ADAP1: variants seen among roughly 807,000 people sequenced by gnomAD.
The protein encoded by ADAP1 is ArfGAP with dual PH domains 1.
ADAP1 carries 31 observed loss-of-function variants against 54.9 expected under a neutral mutation model. The observed-to-expected ratio is 0.56, with a 90% CI of 0.42 to 0.76. The LOEUF is 0.76. Ranked by LOEUF, ADAP1 falls within the 30% of genes least tolerant of loss-of-function variation. ADAP1 has a pLI of 0.00. For missense variants in ADAP1, 535 were observed against 512.4 expected (o/e 1.04, Z -0.42); for synonymous variants, 313 against 202.6 (o/e 1.55, Z -4.63).
At chr7:905,207 G>T in intron 4 of ADAP1, 35 bp from the exon 5 acceptor site, 2 of 1,549,590 alleles carry the variant, frequency 1.3e-6, no homozygotes, top group Non-Finnish European at 1.8e-6. Flanking sequence ...CGGTGACAGT[G>T]GATGGGGGGG....
At chr7:925,300 CGCTTGAGCCCAG>C (rs1562928762) in intron 3 of ADAP1, among the ~76,000 whole-genome samples, 1 of 148,156 alleles carries the variant, frequency 6.7e-6, no homozygotes, top group African/African-American at 2.5e-5. Context: ...GCAGGAGGAT[CGCTTGAGCCCAG>C]GAATTTGCAA....
At position 903,670 on chromosome 7, in the gene ADAP1, C is replaced by T. The variant is rs559807772; in HGVS notation, c.648+456G>A. Among the ~76,000 whole-genome samples the T allele has an allele frequency of 5.9e-5, 9 of 152,210 alleles. No individual in the cohort carries two copies. The South Asian group carries it at 1.2e-3, about 21-fold the overall frequency. On this transcript the variant is annotated intron_variant, in intron 6 of 10. Coordinates refer to ENST00000265846, the MANE Select transcript of ADAP1 (RefSeq NM_006869.4). ...TGCGGGGTACACCCACCCTCCCCGC[C>T]GCCACACCAAGGGCAGCCAAAGGAA... is the stretch of plus-strand genomic sequence containing the variant.
rs1379204323 is a variant in ADAP1 at position 909,308 on chromosome 7, GGCGCC to G, written c.389-4141_389-4137del. Among the ~76,000 whole-genome samples the G allele has an allele frequency of 4.1e-4, 15 of 36,478 alleles. 1 individual carries two copies. Among genetic ancestry groups the G allele is most frequent in the African/African-American group, 2.9e-3 (10 of 3,410 alleles). The allele number at this position is 36,478 out of a possible 152,430, so 23.9% of individuals were successfully genotyped here. ...GGGAACCCCGGTCCTCCCGACAGCA[GGCGCC>G]AGCGGGAACCCCGGTCCTCCCGACA... On this transcript the variant is annotated intron_variant, in intron 4 of 10. Coordinates refer to ENST00000265846, the MANE Select transcript of ADAP1 (RefSeq NM_006869.4).
chr7:918,967 G>A (rs1016497726), intron 4 of ADAP1, among the ~76,000 whole-genome samples: 7 of 152,024 alleles, frequency 4.6e-5, no homozygotes, highest in Admixed American at 3.3e-4. Flanking sequence ...CACAGCCAGA[G>A]GCTTGGCCAG....
At chr7:903,208 C>G (rs1322864405) in intron 6 of ADAP1, among the ~76,000 whole-genome samples, 1 of 152,312 alleles carries the variant, frequency 6.6e-6, no homozygotes, top group East Asian at 1.9e-4. Flanking sequence ...AGAGCGATCA[C>G]AGCGTGCTCT....
At chr7:937,798 G>A (rs999980048) in intron 1 of ADAP1, among the ~76,000 whole-genome samples, 9 of 151,856 alleles carry the variant, frequency 5.9e-5, no homozygotes, top group Admixed American at 2.0e-4. Flanking sequence ...GGTCATGCCC[G>A]GCCTCTGGGA....
chr7:900,692 CCA>C, intron 6 of ADAP1, 76 bp from the exon 7 acceptor site: 1 of 1,348,584 alleles, frequency 7.4e-7, no homozygotes, highest in Non-Finnish European at 1.0e-6. Flanking sequence ...GCTGGGGTCC[CCA>C]CAGAGGGGCC....
At chr7:911,166 C>T (rs1490126487) in intron 4 of ADAP1, among the ~76,000 whole-genome samples, 1 of 152,172 alleles carries the variant, frequency 6.6e-6, no homozygotes, top group Non-Finnish European at 1.5e-5. Flanking sequence ...CTCCAAACAG[C>T]CAGGACAGGG....
chr7:900,867 AGGGCCG>A, intron 6 of ADAP1: 5 of 176,164 alleles, frequency 2.8e-5, no homozygotes, highest in South Asian at 2.0e-4. Flanking sequence ...AGTCCTGAGA[AGGGCCG>A]AAGGGCCGAA....
rs1183980044 is a variant in ADAP1 at position 905,377 on chromosome 7, GA to G, written c.389-206del. The G allele has an allele frequency of 2.3e-4, 35 of 154,946 alleles. 1 individual carries two copies. The highest frequency in any genetic ancestry group is 2.7e-3 in the Middle Eastern group (2 of 728). The allele number at this position is 154,946 out of a possible 1,614,324, so 9.6% of individuals were successfully genotyped here. A position where few individuals can be genotyped will look rare whatever the true frequency, so the allele number is the denominator to read the frequency against. ...TGGGCAGGGAAAGGGAAAGGGAAAGGAGAAAGGAGAAAGGAGAAAGGAGAAA... is the reference window on the plus strand; with the variant it reads ...TGGGCAGGGAAAGGGAAAGGGAAAGGGAAAGGAGAAAGGAGAAAGGAGAAA... On this transcript the variant is annotated intron_variant, in intron 4 of 10. Transcript: ENST00000265846.
rs534472441 is a variant in ADAP1 at position 900,739 on chromosome 7, G to A, written c.649-123C>T. 3.6e-3 allele frequency: 2,906 copies of A among 806,632 alleles called. 18 individuals carry two copies. The highest frequency in any genetic ancestry group is 0.016 in the African/African-American group (874 of 54,608). 50.0% of individuals were successfully genotyped at this position (806,632 alleles called of 1,614,324 possible). A position where few individuals can be genotyped will look rare whatever the true frequency, so the allele number is the denominator to read the frequency against. On this transcript the variant is annotated intron_variant, in intron 6 of 10. Coordinates refer to ENST00000265846, the MANE Select transcript of ADAP1 (RefSeq NM_006869.4). ...AGAGCCCAGCCCCTTCCTCCTCCCCGGCACCTCAGCTCCCAGCAGTCCTGC... is the reference window on the plus strand; with the variant it reads ...AGAGCCCAGCCCCTTCCTCCTCCCCAGCACCTCAGCTCCCAGCAGTCCTGC...
At position 946,200 on chromosome 7, in the gene ADAP1, T is replaced by A. The variant is rs958195281; in HGVS notation, c.82+8196A>T. On this transcript the variant is annotated intron_variant, in intron 1 of 10. Coordinates refer to ENST00000265846, the MANE Select transcript of ADAP1 (RefSeq NM_006869.4). The surrounding 1 kb of genome is among the most constrained non-coding windows in gnomAD (Gnocchi z 4.3). Reference sequence around the variant, plus strand: ...CCCTCTCCAACTCCACCTCCGTGTTTTCCGCATATTGTCTCCCAGTTACCC... The same window carrying A: ...CCCTCTCCAACTCCACCTCCGTGTTATCCGCATATTGTCTCCCAGTTACCC... Among the ~76,000 whole-genome samples the A allele has an allele frequency of 2.6e-5, 4 of 151,964 alleles. No homozygotes were observed. The highest frequency in any genetic ancestry group is 9.7e-5 in the African/African-American group (4 of 41,362).
intron 2 of ADAP1, among the ~76,000 whole-genome samples, chr7:929,110 G>T (rs1054348631): frequency 6.6e-6 from 1 of 151,804 alleles, no homozygotes. Context: ...TGGGCAACAC[G>T]GTGAGACCCC....
intron 1 of ADAP1, among the ~76,000 whole-genome samples, chr7:937,030 G>C (rs1475391866): frequency 6.6e-6 from 1 of 152,148 alleles, no homozygotes; most frequent in Non-Finnish European, 1.5e-5. Context: ...GATGGTGCGT[G>C]AGAACCAGCA....
Position 939,199 on chromosome 7 carries a change from C to T in ADAP1, c.83-3694G>A, listed in dbSNP as rs55729837. ...TTGACTAGCTGTGATGGAGACTCTA[C>T]GGCCCTAAAATATTTACTGTCATTT... is the stretch of plus-strand genomic sequence containing the variant. On this transcript the variant is annotated intron_variant, in intron 1 of 10. Coordinates refer to ENST00000265846, the MANE Select transcript of ADAP1 (RefSeq NM_006869.4). Among the ~76,000 whole-genome samples the T allele has an allele frequency of 3.7e-3, 567 of 152,132 alleles. 3 individuals carry two copies. Among genetic ancestry groups the T allele is most frequent in the African/African-American group, 0.012 (515 of 41,522 alleles).
chr7:954,694 C>G, upstream of ADAP1: 1 of 981,570 alleles, frequency 1.0e-6, no homozygotes, highest in Non-Finnish European at 1.2e-6. Flanking sequence ...GGCGCGGGGC[C>G]CGGGGCGCAC....
chr7:930,712 G>A lies in ADAP1; in HGVS notation c.214-4068C>T, dbSNP rs974052618. Among the ~76,000 whole-genome samples the A allele has an allele frequency of 3.3e-5, 5 of 151,956 alleles. No homozygotes were observed. The East Asian group carries it at 5.8e-4, about 18-fold the overall frequency. ...CACACACCTGTGATCCCAGCTACTC[G>A]GGAGGCTGAAGCAGGAGAATCGCTT... On this transcript the variant is annotated intron_variant, in intron 2 of 10. Transcript: ENST00000265846.
Position 899,506 on chromosome 7 carries a change from G to C in ADAP1, c.796-16C>G. 6.2e-7 allele frequency: 1 copy of C among 1,611,720 alleles called. No individual in the cohort carries two copies. Among genetic ancestry groups the C allele is most frequent in the Non-Finnish European group, 8.5e-7 (1 of 1,179,334 alleles). ...CTTCCGTTTGCTGTGGGTCAGAGAG[G>C]GCCCGTGACCGGCAGGTCGCCGAGG... is the stretch of plus-strand genomic sequence containing the variant. On this transcript the variant is annotated splice_polypyrimidine_tract_variant and intron_variant, in intron 8 of 10. Transcript: ENST00000265846.
In ADAP1 at chr7:898,945, C is replaced by T. The variant is rs760059078; in HGVS notation, c.1101G>A (p.Glu367=). ...GCTAAGGTTTATGCTTGAAGTGCGCCTCCACTGCAACGGAACAGGGTCCAG... is the reference window on the plus strand; with the variant it reads ...GCTAAGGTTTATGCTTGAAGTGCGCTTCCACTGCAACGGAACAGGGTCCAG... The part of the protein sequence containing the change: ...RPMLPQEYAV[E]AHFKHKP The change falls in exon 11 of 11, where the codon GAG becomes GAA. Residue 367 remains glutamate (E), a synonymous_variant. Transcript: ENST00000265846. The T allele has an allele frequency of 6.2e-6, 10 of 1,610,616 alleles. No homozygotes were observed. Among genetic ancestry groups the T allele is most frequent in the Admixed American group, 1.7e-5 (1 of 59,686 alleles).
Sources: gnomAD v4.1 joint callset for allele counts (sites outside exome capture counted in the v4.1 genomes callset) on GRCh38, gnomAD v4.1.1 for gene constraint, Gnocchi (gnomAD v3.1) non-coding constraint, MANE v1.5 for transcripts, NCBI Gene and HGNC (gene_info 2026-07-23, HGNC 2026-07-21) for gene names.